Variants in BABAM2 observed in about 807,000 individuals in gnomAD.
BABAM2 encodes BRISC and BRCA1 A complex member 2, also known as BRISC and BRCA1-A complex member 2.
A neutral mutation model predicts 54.7 loss-of-function variants in BABAM2; 31 were observed. The observed-to-expected ratio is 0.57, with a 90% CI of 0.43 to 0.77. The LOEUF (loss-of-function observed/expected upper bound fraction) is 0.77, where lower values mean the gene tolerates loss of function less well. BABAM2 is among the 30% of genes least tolerant of loss of function. The pLI is 0.00. For synonymous variants in BABAM2, 167 were observed against 162.9 expected (o/e 1.03, Z -0.19); for missense variants, 364 against 455.8 (o/e 0.80, Z 1.83).
At chr2:28,172,484 T>C (rs1280480960) in intron 7 of BABAM2, among the ~76,000 whole-genome samples, 1 of 152,310 alleles carries the variant, frequency 6.6e-6, no homozygotes, top group East Asian at 1.9e-4. Flanking sequence ...AGAAGCACAC[T>C]ACACAGTGAC....
At chr2:28,089,259 A>G (rs1279548184) in intron 6 of BABAM2, among the ~76,000 whole-genome samples, 1 of 152,154 alleles carries the variant, frequency 6.6e-6, no homozygotes, top group Non-Finnish European at 1.5e-5. Flanking sequence ...TGGTACCTAG[A>G]GAAATAAAGC....
chr2:28,208,074 C>T (rs534844088), intron 7 of BABAM2, among the ~76,000 whole-genome samples: 149 of 151,916 alleles, frequency 9.8e-4, no homozygotes, highest in Non-Finnish European at 1.6e-3. Context: ...TGTACACATG[C>T]GCACACACTT....
intron 10 of BABAM2, among the ~76,000 whole-genome samples, chr2:28,263,708 C>T (rs60922136): frequency 6.6e-6 from 1 of 152,136 alleles, no homozygotes; most frequent in African/African-American, 2.4e-5. Flanking sequence ...CTACACATGT[C>T]TATGGTCAGA....
intron 10 of BABAM2, among the ~76,000 whole-genome samples, chr2:28,289,306 T>C (rs1005850047): frequency 1.1e-4 from 17 of 152,198 alleles, no homozygotes; most frequent in African/African-American, 3.9e-4. Flanking sequence ...TTGAACTTAA[T>C]ATAAATGGAA....
chr2:28,078,192 C>T (rs916720966), intron 6 of BABAM2, among the ~76,000 whole-genome samples: 5 of 152,022 alleles, frequency 3.3e-5, no homozygotes, highest in African/African-American at 7.2e-5. Context: ...GTGTACACTG[C>T]GTGCCCTTCC....
chr2:28,081,272 C>G (rs887717810), intron 6 of BABAM2, among the ~76,000 whole-genome samples: 2 of 152,128 alleles, frequency 1.3e-5, no homozygotes, highest in Non-Finnish European at 2.9e-5. Flanking sequence ...TCTCACAGCC[C>G]TTTAAGATAT....
intron 6 of BABAM2, among the ~76,000 whole-genome samples, chr2:28,113,857 C>A (rs1414264743): frequency 6.6e-6 from 1 of 152,076 alleles, no homozygotes; most frequent in Non-Finnish European, 1.5e-5. Flanking sequence ...TGAAGAGATC[C>A]TTCACATCCC....
chr2:28,139,745 C>T (rs1355602440), intron 7 of BABAM2, among the ~76,000 whole-genome samples: 1 of 152,182 alleles, frequency 6.6e-6, no homozygotes, highest in African/African-American at 2.4e-5. Flanking sequence ...CTCTGAATGA[C>T]ATACTAGAGA....
At chr2:28,117,526 A>G (rs1668709230) in intron 6 of BABAM2, among the ~76,000 whole-genome samples, 1 of 152,220 alleles carries the variant, frequency 6.6e-6, no homozygotes, top group Non-Finnish European at 1.5e-5. Context: ...ACCCACAGGA[A>G]CTAAGGGTGT....
At chr2:28,283,013 A>AGG in intron 10 of BABAM2, among the ~76,000 whole-genome samples, 1 of 58,900 alleles carries the variant, frequency 1.7e-5, no homozygotes, top group Non-Finnish European at 4.2e-5. Context: ...AAAAAAAAAA[A>AGG]AAAAAGGAAT....
At chr2:28,050,569 C>T (rs1677922410) in intron 6 of BABAM2, among the ~76,000 whole-genome samples, 1 of 152,116 alleles carries the variant, frequency 6.6e-6, no homozygotes, top group South Asian at 2.1e-4. Flanking sequence ...CTGATTTTGC[C>T]ATAAAATGAT....
chr2:28,174,549 G>A (rs1355721832), intron 7 of BABAM2, among the ~76,000 whole-genome samples: 1 of 151,994 alleles, frequency 6.6e-6, no homozygotes. Context: ...GCCGGGATCA[G>A]CTAGAAGCCC....
chr2:28,109,105 G>C (rs897848363), intron 6 of BABAM2, among the ~76,000 whole-genome samples: 2 of 152,038 alleles, frequency 1.3e-5, no homozygotes, highest in African/African-American at 4.8e-5. Flanking sequence ...CTGACCAGGG[G>C]AGGAAGGGCT....
intron 7 of BABAM2, among the ~76,000 whole-genome samples, chr2:28,153,456 G>A (rs973966210): frequency 6.6e-6 from 1 of 152,112 alleles, no homozygotes; most frequent in Non-Finnish European, 1.5e-5. Flanking sequence ...TCAAAACTTT[G>A]GAACTAGTAG....
At chr2:27,960,974 C>T (rs1670424457) in intron 3 of BABAM2, among the ~76,000 whole-genome samples, 1 of 152,196 alleles carries the variant, frequency 6.6e-6, no homozygotes, top group Non-Finnish European at 1.5e-5. Flanking sequence ...CTAATGCCTT[C>T]TGCCATACAT....
intron 11 of BABAM2, among the ~76,000 whole-genome samples, chr2:28,299,287 C>T (rs1023062291): frequency 6.6e-6 from 1 of 152,146 alleles, no homozygotes; most frequent in Non-Finnish European, 1.5e-5. Context: ...GTGTGGAAGG[C>T]CTCACTTCAG....
At chr2:27,983,942 C>CTTTTTTTTTTTTTTTTTTTTTTTTTT in intron 3 of BABAM2, among the ~76,000 whole-genome samples, 9 of 31,134 alleles carry the variant, frequency 2.9e-4, no homozygotes, top group African/African-American at 4.1e-4. Context: ...CATTTTGTAC[C>CTTTTTTTTTTTTTTTTTTTTTTTTTT]TTTTTTTTTT....
rs138931882 is a variant in BABAM2, at chr2:28,145,951, T to C, written c.680+16571T>C. On this transcript the variant is annotated intron_variant, in intron 7 of 11. Coordinates refer to ENST00000379624, the MANE Select transcript of BABAM2 (RefSeq NM_199191.3). ...GTGGAATAATACTCCAGTATATCAA[T>C]ATACCACATTTGATTTATCCATTCA... is the stretch of plus-strand genomic sequence containing the variant. Among the ~76,000 whole-genome samples, 911 of 152,366 alleles carry C rather than the reference T, an allele frequency of 6.0e-3. 4 individuals are homozygous for C. Among genetic ancestry groups the C allele is most frequent in the Non-Finnish European group, 9.9e-3 (671 of 68,020 alleles).
intron 6 of BABAM2, among the ~76,000 whole-genome samples, chr2:28,048,781 G>A (rs1239088909): frequency 6.6e-6 from 1 of 152,188 alleles, no homozygotes; most frequent in Non-Finnish European, 1.5e-5. Context: ...CAAAGTGCAA[G>A]TATTCTCTAC....
Sources: gnomAD v4.1 joint callset for allele counts (sites outside exome capture counted in the v4.1 genomes callset) on GRCh38, gnomAD v4.1.1 for gene constraint, MANE v1.5 for transcripts, NCBI Gene and HGNC (gene_info 2026-07-23, HGNC 2026-07-21) for gene names.